Variants in GBE1 observed in about 807,000 individuals in gnomAD.
GBE1 encodes the protein 1,4-alpha-glucan-branching enzyme.
GBE1 carries 70 observed loss-of-function variants against 88.8 expected under a neutral mutation model. The observed-to-expected ratio is 0.79, with a 90% CI of 0.65 to 0.96. GBE1 has a LOEUF of 0.96. Among genes scored for constraint, GBE1 ranks in the 40% least tolerant of loss-of-function variants. The probability of loss-of-function intolerance (pLI) is 0.00; values close to 1 mark genes in which losing one functional copy is unlikely to be tolerated. For synonymous variants in GBE1, 284 were observed against 300.1 expected, an observed-to-expected ratio of 0.95 and a Z score of 0.56; for missense variants, 872 against 871.0, an observed-to-expected ratio of 1.00 and a Z score of -0.01.
intron 1 of GBE1, among the ~76,000 whole-genome samples, chr3:81,720,255 T>A (rs1001108515): frequency 6.6e-6 from 1 of 151,854 alleles, no homozygotes; most frequent in African/African-American, 2.4e-5. Flanking sequence ...ATTCAAGCCT[T>A]ATATCTATAT....
intron 1 of GBE1, among the ~76,000 whole-genome samples, chr3:81,753,858 A>G (rs1273433320): frequency 6.6e-6 from 1 of 152,204 alleles, no homozygotes; most frequent in Non-Finnish European, 1.5e-5. Flanking sequence ...GACTTCCTTC[A>G]GAGCCCACAA....
At chr3:81,572,679 A>T (rs941532121) in intron 12 of GBE1, among the ~76,000 whole-genome samples, 8 of 152,202 alleles carry the variant, frequency 5.3e-5, no homozygotes, top group Non-Finnish European at 8.8e-5. Flanking sequence ...ACATGTTTAT[A>T]TATTTAAAAT....
chr3:81,712,747 T>C (rs902599891), intron 1 of GBE1, among the ~76,000 whole-genome samples: 1 of 152,066 alleles, frequency 6.6e-6, no homozygotes, highest in South Asian at 2.1e-4. Flanking sequence ...TGTATACATA[T>C]GTAATAAACC....
intron 14 of GBE1, among the ~76,000 whole-genome samples, chr3:81,513,169 A>G (rs550403847): frequency 1.3e-5 from 2 of 151,796 alleles, no homozygotes; most frequent in South Asian, 4.2e-4. Context: ...TGAATTTTTC[A>G]GGGAAAAGTG....
intron 14 of GBE1, among the ~76,000 whole-genome samples, chr3:81,531,853 A>G (rs1250550844): frequency 1.3e-5 from 2 of 152,004 alleles, no homozygotes; most frequent in Admixed American, 1.3e-4. Flanking sequence ...AGGGTACTTT[A>G]GTGTGCAGTG....
intron 14 of GBE1, among the ~76,000 whole-genome samples, chr3:81,511,214 T>G (rs1367186914): frequency 6.6e-6 from 1 of 151,836 alleles, no homozygotes; most frequent in Non-Finnish European, 1.5e-5. Flanking sequence ...GAACTCAAAC[T>G]ATAAAAACCC....
intron 12 of GBE1, among the ~76,000 whole-genome samples, chr3:81,570,913 C>A (rs1576153605): frequency 6.6e-6 from 1 of 152,076 alleles, no homozygotes; most frequent in Non-Finnish European, 1.5e-5. Context: ...AAAAATAACT[C>A]CATGTTTATT....
chr3:81,657,568 C>T (rs1286487076), intron 3 of GBE1, among the ~76,000 whole-genome samples: 1 of 151,984 alleles, frequency 6.6e-6, no homozygotes, highest in Admixed American at 6.6e-5. Context: ...AAGACCACTT[C>T]CTGGGTGAAT....
At chr3:81,593,239 C>T (rs769483336) in intron 8 of GBE1, among the ~76,000 whole-genome samples, 5 of 151,734 alleles carry the variant, frequency 3.3e-5, no homozygotes, top group Admixed American at 6.6e-5. Flanking sequence ...ATGATGGGCA[C>T]CTGTAATCCC....
At chr3:81,726,571 T>G (rs558916652) in intron 1 of GBE1, among the ~76,000 whole-genome samples, 1 of 151,674 alleles carries the variant, frequency 6.6e-6, no homozygotes, top group East Asian at 2.0e-4. Flanking sequence ...ATATGGCATC[T>G]TTGATATTGC....
chr3:81,536,067 C>T (rs1231128159), intron 13 of GBE1, among the ~76,000 whole-genome samples: 4 of 151,834 alleles, frequency 2.6e-5, no homozygotes, highest in African/African-American at 7.3e-5. Context: ...AAACAGGGTG[C>T]CTTTTGGTAT....
intron 1 of GBE1, among the ~76,000 whole-genome samples, chr3:81,710,982 G>A (rs186607668): frequency 1.3e-5 from 2 of 152,184 alleles, no homozygotes; most frequent in African/African-American, 4.8e-5. Context: ...CCCAGGGTGG[G>A]ACGGAGGGGC....
intron 7 of GBE1, among the ~76,000 whole-genome samples, chr3:81,610,035 CAT>C (rs549176525): frequency 4.4e-4 from 67 of 152,222 alleles, no homozygotes; most frequent in Middle Eastern, 6.8e-3. Context: ...GGCACAGAAA[CAT>C]GTGAAAGTGT....
chr3:81,602,109 A>G (rs1704040587), intron 7 of GBE1, among the ~76,000 whole-genome samples: 1 of 152,216 alleles, frequency 6.6e-6, no homozygotes, highest in Non-Finnish European at 1.5e-5. Flanking sequence ...AAGTGAAGCT[A>G]AGCTTCTCAG....
chr3:81,635,089 A>G (rs1704573468), intron 7 of GBE1, among the ~76,000 whole-genome samples: 1 of 152,152 alleles, frequency 6.6e-6, no homozygotes. Flanking sequence ...CTAACGTGCT[A>G]TGAGAAAATG....
chr3:81,572,274 T>C (rs1703586370), intron 12 of GBE1, among the ~76,000 whole-genome samples: 1 of 152,120 alleles, frequency 6.6e-6, no homozygotes, highest in African/African-American at 2.4e-5. Flanking sequence ...AATTACCCAG[T>C]CTCAGGCAGT....
At chr3:81,615,186 T>C (rs1704232398) in intron 7 of GBE1, among the ~76,000 whole-genome samples, 1 of 152,212 alleles carries the variant, frequency 6.6e-6, no homozygotes, top group Non-Finnish European at 1.5e-5. Context: ...CCAGCTGCTT[T>C]AGAATTTGTA....
At chr3:81,510,858 A>G (rs542935254) in intron 14 of GBE1, among the ~76,000 whole-genome samples, 1 of 152,220 alleles carries the variant, frequency 6.6e-6, no homozygotes, top group South Asian at 2.1e-4. Flanking sequence ...ACTACAGTTA[A>G]TAATGTGTTA....
At chr3:81,692,158 T>C (rs1243179241) in intron 2 of GBE1, among the ~76,000 whole-genome samples, 3 of 152,198 alleles carry the variant, frequency 2.0e-5, no homozygotes, top group African/African-American at 7.2e-5. Context: ...GGACTGGTAG[T>C]TGGCCAACAC....
Sources: gnomAD v4.1 joint callset for allele counts (sites outside exome capture counted in the v4.1 genomes callset) on GRCh38, gnomAD v4.1.1 for gene constraint, MANE v1.5 for transcripts, NCBI Gene and HGNC (gene_info 2026-07-23, HGNC 2026-07-21) for gene names.